Variants in TENM2 observed in about 807,000 individuals in gnomAD.
TENM2 encodes the protein teneurin-2.
TENM2 carries 52 observed loss-of-function variants against 245.2 expected under a neutral mutation model. The ratio of observed to expected loss-of-function variants is 0.21; its 90% CI spans 0.17 to 0.27. The LOEUF (loss-of-function observed/expected upper bound fraction) is 0.27. Among genes scored for constraint, TENM2 ranks in the 10% least tolerant of loss-of-function variants. TENM2 has a pLI of 1.00. For missense variants in TENM2, 3,046 were observed against 3,666.8 expected, an observed-to-expected ratio of 0.83 and a Z score of 4.37; for synonymous variants, 1,363 against 1,438.9, an observed-to-expected ratio of 0.95 and a Z score of 1.19.
At chr5:168,005,661 C>T (rs927851188) in intron 5 of TENM2, among the ~76,000 whole-genome samples, 7 of 152,190 alleles carry the variant, frequency 4.6e-5, no homozygotes, top group Non-Finnish European at 1.5e-5. Context: ...GGTCTGGAAT[C>T]TCTCTAGGTA....
chr5:167,380,345 A>C (rs1761024298), intron 2 of TENM2, among the ~76,000 whole-genome samples: 1 of 152,170 alleles, frequency 6.6e-6, no homozygotes, highest in African/African-American at 2.4e-5. Flanking sequence ...TGAAAGCTAG[A>C]AGTGAAAGGA....
chr5:167,532,446 G>T (rs1272094177), intron 2 of TENM2, among the ~76,000 whole-genome samples: 1 of 152,094 alleles, frequency 6.6e-6, no homozygotes, highest in African/African-American at 2.4e-5. Context: ...CACAGTCATG[G>T]TGGAAGGCAA....
chr5:167,492,730 G>C (rs532624271), intron 2 of TENM2, among the ~76,000 whole-genome samples: 1 of 152,096 alleles, frequency 6.6e-6, no homozygotes, highest in Non-Finnish European at 1.5e-5. Flanking sequence ...AGAAGAGCAG[G>C]CTCAATGGTG....
the TENM2 span, among the ~76,000 whole-genome samples, chr5:167,278,300 T>A: frequency 2.6e-5 from 4 of 152,118 alleles, no homozygotes; most frequent in African/African-American, 9.7e-5. Context: ...TGAGACCTTG[T>A]CAAAAAATAA....
the TENM2 span, among the ~76,000 whole-genome samples, chr5:167,148,856 G>C: frequency 6.6e-6 from 1 of 152,120 alleles, no homozygotes; most frequent in Non-Finnish European, 1.5e-5. Flanking sequence ...TGTGTGATTT[G>C]AATGAATAAA....
chr5:167,462,525 G>C (rs1447952193), intron 2 of TENM2, among the ~76,000 whole-genome samples: 1 of 152,118 alleles, frequency 6.6e-6, no homozygotes, highest in Non-Finnish European at 1.5e-5. Flanking sequence ...GAATATTATT[G>C]CATTGCCAAT....
intron 1 of TENM2, among the ~76,000 whole-genome samples, chr5:167,338,045 G>T (rs2127805838): frequency 6.6e-6 from 1 of 152,222 alleles, no homozygotes; most frequent in Middle Eastern, 3.4e-3. Context: ...ATTTCTCACT[G>T]GATTACAAAA....
chr5:167,083,808 G>A, the TENM2 span, among the ~76,000 whole-genome samples: 12 of 152,262 alleles, frequency 7.9e-5, no homozygotes, highest in African/African-American at 2.4e-4. Flanking sequence ...CCATTCCAGA[G>A]CAAAAAGATT....
chr5:167,828,119 T>A (rs1385395053), intron 2 of TENM2, among the ~76,000 whole-genome samples: 1 of 152,214 alleles, frequency 6.6e-6, no homozygotes, highest in Non-Finnish European at 1.5e-5. Context: ...TCTAATTTAA[T>A]CCTCAGGAAA....
At chr5:167,844,451 A>G (rs2151171929) in intron 2 of TENM2, among the ~76,000 whole-genome samples, 1 of 152,326 alleles carries the variant, frequency 6.6e-6, no homozygotes, top group Non-Finnish European at 1.5e-5. Flanking sequence ...TTGCTGCAGG[A>G]ACCTTGTCAT....
the TENM2 span, among the ~76,000 whole-genome samples, chr5:167,058,292 G>T: frequency 6.6e-6 from 1 of 152,076 alleles, no homozygotes; most frequent in Non-Finnish European, 1.5e-5. Context: ...ATAAATAATT[G>T]TTGATTGACC....
At chr5:168,156,019 G>T (rs1371290409) in intron 12 of TENM2, among the ~76,000 whole-genome samples, 3 of 150,928 alleles carry the variant, frequency 2.0e-5, no homozygotes, top group Admixed American at 2.0e-4. Flanking sequence ...TAGACCCTGA[G>T]AATATCTCAA....
intron 2 of TENM2, among the ~76,000 whole-genome samples, chr5:167,754,515 G>A (rs575765770): frequency 1.4e-4 from 21 of 152,036 alleles, no homozygotes; most frequent in East Asian, 9.6e-4. Flanking sequence ...ACAGGAATGC[G>A]CACATGGTTT....
chr5:168,110,532 C>G (rs987568952), intron 9 of TENM2, among the ~76,000 whole-genome samples: 3 of 152,206 alleles, frequency 2.0e-5, no homozygotes, highest in Admixed American at 6.5e-5. Context: ...GGCTGTCTAA[C>G]TCCCGTAAGC....
At chr5:167,467,049 G>A (rs1398382004) in intron 2 of TENM2, among the ~76,000 whole-genome samples, 1 of 152,110 alleles carries the variant, frequency 6.6e-6, no homozygotes, top group African/African-American at 2.4e-5. Context: ...TAATAAACTT[G>A]GTCCTTAAAG....
At chr5:167,000,686 G>A in the TENM2 span, among the ~76,000 whole-genome samples, 129,715 of 152,170 alleles carry the variant, frequency 0.85, 55,493 homozygotes, top group African/African-American at 0.91. Context: ...CTAAAACCAT[G>A]TTTTTACACA....
At chr5:168,083,160 C>G (rs937176164) in intron 7 of TENM2, among the ~76,000 whole-genome samples, 13 of 152,186 alleles carry the variant, frequency 8.5e-5, no homozygotes, top group Non-Finnish European at 8.8e-5. Flanking sequence ...GGTGGATGCC[C>G]CTCCCCCAGC....
intron 1 of TENM2, among the ~76,000 whole-genome samples, chr5:167,321,627 T>G (rs1430780353): frequency 2.6e-5 from 4 of 152,128 alleles, no homozygotes; most frequent in Non-Finnish European, 5.9e-5. Context: ...CAAAGCAGCT[T>G]AGGCTGGGGC....
chr5:167,415,288 A>G (rs1466404199), intron 2 of TENM2, among the ~76,000 whole-genome samples: 1 of 152,044 alleles, frequency 6.6e-6, no homozygotes, highest in Admixed American at 6.6e-5. Flanking sequence ...AAAAACTACT[A>G]CAGCTTTAAC....
Sources: gnomAD v4.1 joint callset for allele counts (sites outside exome capture counted in the v4.1 genomes callset) on GRCh38, gnomAD v4.1.1 for gene constraint, MANE v1.5 for transcripts, NCBI Gene and HGNC (gene_info 2026-07-23, HGNC 2026-07-21) for gene names.